SAMMSON: variants seen among roughly 807,000 people sequenced by gnomAD.
The protein encoded by SAMMSON is survival associated mitochondrial melanoma specific oncogenic non-coding RNA.
chr3:70,333,901 T>G (rs1267212080), intron 7 of SAMMSON, among the ~76,000 whole-genome samples: 2 of 152,218 alleles, frequency 1.3e-5, no homozygotes, highest in African/African-American at 2.4e-5. Context: ...GCCCAATTTC[T>G]TACATATTGG....
rs182752693 is a variant in SAMMSON, at chr3:70,131,158, T to A, written n.507+59593T>A. On this transcript the variant is annotated intron_variant and non_coding_transcript_variant, in intron 4 of 9. Transcript: ENST00000642114. ...CATCTCACTTAACAGAGCCCAGAAG[T>A]CAGACGAGCTTTAAGTCTGGTATTC... Among the ~76,000 whole-genome samples the A allele has an allele frequency of 1.9e-3, 283 of 152,302 alleles. 2 individuals are homozygous for A. The highest frequency in any genetic ancestry group is 4.8e-3 in the South Asian group (23 of 4,824).
chr3:70,274,090 T>TGTGTGTGCGCGC (rs770689062), intron 6 of SAMMSON, among the ~76,000 whole-genome samples: 2 of 145,062 alleles, frequency 1.4e-5, no homozygotes, highest in South Asian at 4.4e-4. Context: ...TGTGTGTGTG[T>TGTGTGTGCGCGC]GCGCGCGCGC....
chr3:70,259,837 TG>T (rs1271376555), intron 6 of SAMMSON, among the ~76,000 whole-genome samples: 5 of 152,096 alleles, frequency 3.3e-5, no homozygotes, highest in African/African-American at 1.2e-4. Flanking sequence ...TCAGCACAGC[TG>T]GGGAGGTCTC....
chr3:70,332,399 C>T lies in SAMMSON; in HGVS notation n.740-21776C>T, dbSNP rs72947146. Among the ~76,000 whole-genome samples the T allele has an allele frequency of 1.3e-3, 198 of 152,228 alleles. 1 individual carries two copies. The highest frequency in any genetic ancestry group is 4.4e-3 in the African/African-American group (183 of 41,550). Reference sequence around the variant, plus strand: ...TCCCTTATGAATGACTCCAAGATACCTCCCTCCATCCTCATTCTGGTTGCA... The same window carrying T: ...TCCCTTATGAATGACTCCAAGATACTTCCCTCCATCCTCATTCTGGTTGCA... On this transcript the variant is annotated intron_variant and non_coding_transcript_variant, in intron 7 of 9. Coordinates refer to ENST00000642114, the Ensembl canonical transcript of SAMMSON.
At chr3:70,339,688 T>C (rs184925376) in intron 7 of SAMMSON, among the ~76,000 whole-genome samples, 1 of 152,020 alleles carries the variant, frequency 6.6e-6, no homozygotes, top group African/African-American at 2.4e-5. Flanking sequence ...GAAATGCAAA[T>C]CAAAACCACA....
rs78182784 is a variant in SAMMSON at position 70,136,535 on chromosome 3, T to C, written n.507+64970T>C. On this transcript the variant is annotated intron_variant and non_coding_transcript_variant, in intron 4 of 9. Coordinates refer to ENST00000642114, the Ensembl canonical transcript of SAMMSON. ...CTTGTCTGTGCCTCTTGAGAGACTGTGAGCCAGAACCAACAGCTGAACGGT... is the reference window on the plus strand; with the variant it reads ...CTTGTCTGTGCCTCTTGAGAGACTGCGAGCCAGAACCAACAGCTGAACGGT... Among the ~76,000 whole-genome samples, 251 of 152,340 alleles carry C rather than the reference T, an allele frequency of 1.6e-3. 2 individuals are homozygous for C. Among genetic ancestry groups the C allele is most frequent in the African/African-American group, 5.9e-3 (245 of 41,582 alleles).
At chr3:70,153,156 A>G (rs2067578619) in intron 4 of SAMMSON, among the ~76,000 whole-genome samples, 1 of 151,996 alleles carries the variant, frequency 6.6e-6, no homozygotes. Flanking sequence ...TATTCTGTCA[A>G]TATAAGAGCC....
intron 2 of SAMMSON, among the ~76,000 whole-genome samples, chr3:70,431,133 C>T (rs115327490): frequency 1.2e-3 from 184 of 152,074 alleles, no homozygotes; most frequent in Non-Finnish European, 2.1e-3. Context: ...TAAAAACTTA[C>T]GAGAGTATAT....
rs112179007 is a variant in SAMMSON at position 70,037,161 on chromosome 3, G to GT, written n.417+23500dup. 8.1e-4 allele frequency among the ~76,000 whole-genome samples: 117 copies of GT among 145,042 alleles called. No individual in the cohort carries two copies. The Middle Eastern group carries it at 0.011, about 14-fold the overall frequency. ...ACCTGTAGTGAGCATCTATTGATTT[G>GT]TTTTTTTTTTTCCACCCCTCCTTAA... is the stretch of plus-strand genomic sequence containing the variant. On this transcript the variant is annotated intron_variant and non_coding_transcript_variant, in intron 3 of 9. Coordinates refer to ENST00000642114, the Ensembl canonical transcript of SAMMSON.
intron 2 of SAMMSON, among the ~76,000 whole-genome samples, chr3:70,414,848 ATACT>A (rs923047326): frequency 3.3e-5 from 5 of 152,202 alleles, no homozygotes; most frequent in African/African-American, 7.2e-5. Context: ...GTCTATGAAA[ATACT>A]TACTTTTTCA....
At chr3:70,349,267 G>T (rs746753972) in intron 7 of SAMMSON, among the ~76,000 whole-genome samples, 1 of 152,048 alleles carries the variant, frequency 6.6e-6, no homozygotes, top group Non-Finnish European at 1.5e-5. Context: ...CCAGCTACTC[G>T]GGAGGCTGGG....
At chr3:70,170,941 A>G (rs1417461972) in intron 4 of SAMMSON, among the ~76,000 whole-genome samples, 2 of 151,844 alleles carry the variant, frequency 1.3e-5, no homozygotes, top group Non-Finnish European at 1.5e-5. Context: ...TTTCATGGAG[A>G]TTCTGCCTGT....
intron 6 of SAMMSON, among the ~76,000 whole-genome samples, chr3:70,250,544 A>T (rs1043614696): frequency 6.6e-6 from 1 of 152,168 alleles, no homozygotes; most frequent in East Asian, 1.9e-4. Context: ...CTAATACTTA[A>T]AAGAAAAACC....
At chr3:70,199,310 A>G (rs1701211882) in intron 4 of SAMMSON, among the ~76,000 whole-genome samples, 2 of 152,088 alleles carry the variant, frequency 1.3e-5, no homozygotes, top group South Asian at 4.1e-4. Context: ...GCTCTTGCCA[A>G]TGTCTCCTCA....
At chr3:70,093,402 T>C (rs764087037) in intron 4 of SAMMSON, among the ~76,000 whole-genome samples, 1 of 152,186 alleles carries the variant, frequency 6.6e-6, no homozygotes, top group Non-Finnish European at 1.5e-5. Context: ...CTCTTGAGGA[T>C]GATACTATCT....
chr3:70,074,680 T>C (rs2067242106), intron 4 of SAMMSON, among the ~76,000 whole-genome samples: 1 of 152,106 alleles, frequency 6.6e-6, no homozygotes, highest in African/African-American at 2.4e-5. Flanking sequence ...AAGGTGAAGG[T>C]GACATAATCA....
chr3:70,153,848 T>C (rs760527448), intron 4 of SAMMSON, among the ~76,000 whole-genome samples: 2 of 151,978 alleles, frequency 1.3e-5, no homozygotes, highest in Non-Finnish European at 2.9e-5. Context: ...ACTGAACTCA[T>C]TGAACAATAA....
At chr3:70,279,291 T>C (rs900570760) in intron 6 of SAMMSON, among the ~76,000 whole-genome samples, 1 of 151,922 alleles carries the variant, frequency 6.6e-6, no homozygotes, top group African/African-American at 2.4e-5. Flanking sequence ...CTCTGAGAGA[T>C]CAAACAAATC....
chr3:70,390,459 T>G (rs1005161600), downstream of SAMMSON, among the ~76,000 whole-genome samples: 1 of 152,082 alleles, frequency 6.6e-6, no homozygotes, highest in Non-Finnish European at 1.5e-5. Flanking sequence ...CCAGGAAGCA[T>G]AGCAGCATCT....
Sources: allele counts gnomAD v4.1 joint callset (sites outside exome capture counted in the v4.1 genomes callset), GRCh38; gene constraint gnomAD v4.1.1; transcripts MANE v1.5; gene names NCBI Gene and HGNC (gene_info 2026-07-23, HGNC 2026-07-21).